The following MAP3K5 variants were observed in gnomAD, a reference collection of about 807,000 sequenced individuals.
MAP3K5 encodes mitogen-activated protein kinase kinase kinase 5, also known as ASK-1.
A neutral mutation model predicts 158.7 loss-of-function variants in MAP3K5; 56 were observed. That is an observed-to-expected ratio of 0.35 (90% CI 0.28 to 0.44). The LOEUF (loss-of-function observed/expected upper bound fraction) is 0.44, where lower values mean the gene tolerates loss of function less well. Ranked by LOEUF, MAP3K5 falls within the 20% of genes least tolerant of loss-of-function variation. The pLI, the probability that MAP3K5 is intolerant of heterozygous loss-of-function variation, is 1.00. For missense variants in MAP3K5, 1,294 were observed against 1,674.8 expected (o/e 0.77, Z 3.97); for synonymous variants, 579 against 601.7 (o/e 0.96, Z 0.55).
chr6:136,760,402 A>T (rs1351939420), intron 1 of MAP3K5, among the ~76,000 whole-genome samples: 1 of 152,230 alleles, frequency 6.6e-6, no homozygotes, highest in Non-Finnish European at 1.5e-5. Context: ...ACTAAAAGAA[A>T]AGGCAAAAGA....
chr6:136,672,961 C>A (rs1779546717), intron 7 of MAP3K5, among the ~76,000 whole-genome samples: 1 of 149,266 alleles, frequency 6.7e-6, no homozygotes, highest in Non-Finnish European at 1.5e-5. Flanking sequence ...CTGCCCTCCT[C>A]CCTGGGCAAC....
At chr6:136,684,314 T>G (rs917733370) in intron 7 of MAP3K5, among the ~76,000 whole-genome samples, 3 of 152,062 alleles carry the variant, frequency 2.0e-5, no homozygotes, top group African/African-American at 7.2e-5. Flanking sequence ...CACAGAAACG[T>G]TGTGTGAACT....
At chr6:136,783,553 G>C (rs1416117509) in intron 1 of MAP3K5, among the ~76,000 whole-genome samples, 1 of 152,152 alleles carries the variant, frequency 6.6e-6, no homozygotes, top group Non-Finnish European at 1.5e-5. Flanking sequence ...CCACATAGCT[G>C]TGGGTTCCTG....
At chr6:136,769,777 A>AAGGC (rs1784109775) in intron 1 of MAP3K5, among the ~76,000 whole-genome samples, 2 of 26,236 alleles carry the variant, frequency 7.6e-5, no homozygotes, top group East Asian at 2.0e-3. Flanking sequence ...GGAAGGAAGG[A>AAGGC]AGGAAGGAAG....
intron 1 of MAP3K5, among the ~76,000 whole-genome samples, chr6:136,737,037 G>GTGTGTGTGTATATATATATATA (rs759947051): frequency 1.6e-5 from 2 of 127,002 alleles, no homozygotes; most frequent in African/African-American, 7.6e-5. Context: ...ATATGTGTGT[G>GTGTGTGTGTATATATATATATA]TATATATATA....
chr6:136,754,490 G>T (rs537814278), intron 1 of MAP3K5, among the ~76,000 whole-genome samples: 1 of 151,468 alleles, frequency 6.6e-6, no homozygotes, highest in African/African-American at 2.4e-5. Context: ...GAGGCGGGTG[G>T]AACACTTGAG....
Position 136,786,800 on chromosome 6 carries a change from CTTTT to C in MAP3K5, c.448+4906_448+4909del, listed in dbSNP as rs11296757. ...AAATGTTACCAAACTTTAAGTTCTT[CTTTT>C]TTTTTTTTTTTTTTTTTTGAAACAG... is the stretch of plus-strand genomic sequence containing the variant. On this transcript the variant is annotated intron_variant, in intron 1 of 29. Coordinates refer to ENST00000359015, the MANE Select transcript of MAP3K5 (RefSeq NM_005923.4). 2.5e-4 allele frequency among the ~76,000 whole-genome samples: 25 copies of C among 101,140 alleles called. 1 individual carries two copies. The highest frequency in any genetic ancestry group is 6.9e-4 in the African/African-American group (17 of 24,660). The allele number at this position is 101,140 out of a possible 152,430, so 66.4% of individuals were successfully genotyped here.
At chr6:136,681,510 G>T (rs1480187966) in intron 7 of MAP3K5, among the ~76,000 whole-genome samples, 1 of 152,176 alleles carries the variant, frequency 6.6e-6, no homozygotes, top group African/African-American at 2.4e-5. Context: ...GTGCACATCA[G>T]TAGTCATGGA....
chr6:136,601,936 G>A lies in MAP3K5; in HGVS notation c.2723C>T (p.Ser908Phe), dbSNP rs768974810. The A allele has an allele frequency of 9.9e-6, 16 of 1,614,038 alleles. No homozygotes were observed. The highest frequency in any genetic ancestry group is 1.4e-5 in the Non-Finnish European group (16 of 1,180,024). ...CAGTATGAATGCCTTGGCCTCTGCA[G>A]ACATGGACTCTGGGATCTCAGGGTG... ...KVHPEIPESM[S>F]AEAKAFILKC... The change falls in exon 20 of 30, where the codon TCT becomes TTT. Residue 908 changes from serine to phenylalanine, a missense_variant. Ser to Phe is a radical substitution (Grantham distance 155). Around this residue, in one of 5 missense-constraint regions of MAP3K5, gnomAD observed 362 missense variants for 463.2 expected, o/e 0.78. Transcript: ENST00000359015.
At chr6:136,562,806 G>A (rs1035670866) in intron 26 of MAP3K5, among the ~76,000 whole-genome samples, 191 bp from the exon 27 acceptor site, 3 of 150,628 alleles carry the variant, frequency 2.0e-5, no homozygotes, top group African/African-American at 7.3e-5. Flanking sequence ...AAGCAGCTGG[G>A]AATACAGACA....
rs749784696 is a variant in MAP3K5 at position 136,601,930 on chromosome 6, T to C, written c.2729A>G (p.Glu910Gly). ...ACATTTCAGTATGAATGCCTTGGCC[T>C]CTGCAGACATGGACTCTGGGATCTC... ...HPEIPESMSA[E>G]AKAFILKCFE... Residue 910 changes from glutamate to glycine, a missense_variant, in exon 20 of 30, where the codon GAG becomes GGG. Around this residue, in one of 5 missense-constraint regions of MAP3K5, gnomAD observed 362 missense variants for 463.2 expected, o/e 0.78. Coordinates refer to ENST00000359015, the MANE Select transcript of MAP3K5 (RefSeq NM_005923.4). 1 of 1,614,184 alleles carries C rather than the reference T, an allele frequency of 6.2e-7. No homozygotes were observed. Among genetic ancestry groups the C allele is most frequent in the Admixed American group, 1.7e-5 (1 of 60,028 alleles).
chr6:136,735,197 T>C (rs1782403576), intron 1 of MAP3K5, among the ~76,000 whole-genome samples: 1 of 152,224 alleles, frequency 6.6e-6, no homozygotes, highest in Non-Finnish European at 1.5e-5. Context: ...ACATAAGCAT[T>C]AATAGTTATT....
At chr6:136,664,526 G>A (rs1338378463) in intron 8 of MAP3K5, among the ~76,000 whole-genome samples, 3 of 152,090 alleles carry the variant, frequency 2.0e-5, no homozygotes, top group East Asian at 1.9e-4. Flanking sequence ...GCTCTAGTGT[G>A]CTCACCTTCT....
chr6:136,593,284 G>A (rs1775476601), intron 21 of MAP3K5, among the ~76,000 whole-genome samples: 1 of 152,188 alleles, frequency 6.6e-6, no homozygotes, highest in African/African-American at 2.4e-5. Flanking sequence ...TCTTTATTTG[G>A]ATGGAGAATA....
Position 136,656,545 on chromosome 6 carries a change from A to G in MAP3K5, c.1527-85T>C, listed in dbSNP as rs184304463. On this transcript the variant is annotated intron_variant, in intron 9 of 29. Coordinates refer to ENST00000359015, the MANE Select transcript of MAP3K5 (RefSeq NM_005923.4). Reference sequence around the variant, plus strand: ...TATCCCAGTCTAATTCTGTAAATGTAATTTATACATGACATTAATAGTTAT... The same window carrying G: ...TATCCCAGTCTAATTCTGTAAATGTGATTTATACATGACATTAATAGTTAT... 473 of 799,500 alleles carry G rather than the reference A, an allele frequency of 5.9e-4. 2 individuals carry two copies. In the African/African-American group the frequency reaches 7.4e-3, roughly 12 times the overall value. 49.5% of individuals were successfully genotyped at this position (799,500 alleles called of 1,614,324 possible). A position where few individuals can be genotyped will look rare whatever the true frequency, so the allele number is the denominator to read the frequency against.
chr6:136,690,011 G>C (rs926053352), intron 7 of MAP3K5, among the ~76,000 whole-genome samples: 43 of 152,106 alleles, frequency 2.8e-4, no homozygotes, highest in African/African-American at 9.4e-4. Context: ...TTGGGAATGT[G>C]ATAGGTACAT....
At chr6:136,592,144 G>A in intron 23 of MAP3K5, 29 bp downstream of exon 23, 1 of 1,533,900 alleles carries the variant, frequency 6.5e-7, no homozygotes, top group South Asian at 1.3e-5. Context: ...GTAACCTTTG[G>A]GAAATGAAGC....
At chr6:136,641,369 TTG>T (rs1206527293) in intron 12 of MAP3K5, among the ~76,000 whole-genome samples, 1 of 152,202 alleles carries the variant, frequency 6.6e-6, no homozygotes, top group East Asian at 1.9e-4. Context: ...CAAAAATCTG[TTG>T]TCTCTCATTG....
Position 136,697,315 on chromosome 6 carries a change from T to G in MAP3K5, c.879A>C (p.Ala293=). The stretch of plus-strand genomic sequence containing the variant: ...GCTGCCGAATTCTTGCCAACTCAGC[T>G]GCCAATTCTTTACCAGTGTATAAAT... ...ARNLYTGKEL[A]AELARIRQRV... Residue 293 remains alanine (A), a synonymous_variant, in exon 5 of 30, where the codon GCA becomes GCC. Transcript: ENST00000359015. The G allele has an allele frequency of 6.2e-7, 1 of 1,613,804 alleles. No individual in the cohort carries two copies. The highest frequency in any genetic ancestry group is 8.5e-7 in the Non-Finnish European group (1 of 1,179,794).
Sources: gnomAD v4.1 joint callset for allele counts (sites outside exome capture counted in the v4.1 genomes callset) on GRCh38, gnomAD v4.1.1 for gene constraint, gnomAD v4.1.1 regional missense constraint, MANE v1.5 for transcripts, NCBI Gene and HGNC (gene_info 2026-07-23, HGNC 2026-07-21) for gene names.